Variants in EPB41L3 observed in about 807,000 individuals in gnomAD.
EPB41L3 encodes the protein band 4.1-like protein 3.
EPB41L3 carries 57 observed loss-of-function variants against 127.1 expected under a neutral mutation model. The ratio of observed to expected loss-of-function variants is 0.45; its 90% CI spans 0.36 to 0.56. The LOEUF is 0.56. Among genes scored for constraint, EPB41L3 ranks in the 20% least tolerant of loss-of-function variants. The pLI, the probability that EPB41L3 is intolerant of heterozygous loss-of-function variation, is 0.00. For synonymous variants in EPB41L3, 572 were observed against 549.5 expected (o/e 1.04, Z -0.57); for missense variants, 1,273 against 1,372.2 (o/e 0.93, Z 1.14).
intron 3 of EPB41L3, among the ~76,000 whole-genome samples, chr18:5,552,668 A>T (rs2093982001): frequency 6.6e-6 from 1 of 152,216 alleles, no homozygotes; most frequent in South Asian, 2.1e-4. Flanking sequence ...GCTAAAATTT[A>T]CTGAGCATTT....
At chr18:5,434,177 G>A in intron 6 of EPB41L3, 56 bp from the exon 7 acceptor site, 3 of 1,459,548 alleles carry the variant, frequency 2.1e-6, no homozygotes, top group Non-Finnish European at 2.9e-6. Context: ...ACAGGAAAAG[G>A]AGGTCGCTTG....
intron 3 of EPB41L3, among the ~76,000 whole-genome samples, chr18:5,457,279 G>A (rs2083249495): frequency 6.6e-6 from 1 of 152,198 alleles, no homozygotes; most frequent in East Asian, 1.9e-4. Flanking sequence ...TTTTTTCTCT[G>A]CTTGTGATAA....
intron 2 of EPB41L3, among the ~76,000 whole-genome samples, chr18:5,485,857 G>GATATTCC (rs1319119696): frequency 1.3e-5 from 2 of 151,990 alleles, no homozygotes; most frequent in Non-Finnish European, 2.9e-5. Flanking sequence ...AAAATGGAAA[G>GATATTCC]ATATTCCATG....
At chr18:5,411,361 C>G (rs1325896024) in intron 13 of EPB41L3, among the ~76,000 whole-genome samples, 2 of 151,954 alleles carry the variant, frequency 1.3e-5, no homozygotes, top group African/African-American at 4.8e-5. Context: ...TCAAATGAAG[C>G]AAATAAGAAG....
intron 1 of EPB41L3, among the ~76,000 whole-genome samples, chr18:5,617,976 G>A (rs889641999): frequency 2.0e-5 from 3 of 152,124 alleles, no homozygotes; most frequent in Non-Finnish European, 4.4e-5. Flanking sequence ...TTGGCTTCCT[G>A]TTCCAAGGTC....
intron 3 of EPB41L3, among the ~76,000 whole-genome samples, chr18:5,584,221 C>T (rs1428063640): frequency 6.6e-6 from 1 of 152,196 alleles, no homozygotes; most frequent in Non-Finnish European, 1.5e-5. Flanking sequence ...CAGCCAATAG[C>T]TGGGTCCTTT....
At chr18:5,413,867 T>C (rs796581832) in intron 13 of EPB41L3, among the ~76,000 whole-genome samples, 12 of 152,342 alleles carry the variant, frequency 7.9e-5, no homozygotes, top group Middle Eastern at 3.4e-3. Flanking sequence ...GAAGCTCCAA[T>C]CACACGTTCG....
chr18:5,398,277 T>A, intron 16 of EPB41L3, 134 bp from the exon 17 acceptor site: 1 of 1,026,696 alleles, frequency 9.7e-7, no homozygotes, highest in Non-Finnish European at 1.4e-6. Flanking sequence ...AATCTCAGAG[T>A]TTGGAAACGA....
At chr18:5,480,278 T>TA (rs1333257831) in intron 2 of EPB41L3, among the ~76,000 whole-genome samples, 2 of 152,134 alleles carry the variant, frequency 1.3e-5, no homozygotes, top group African/African-American at 2.4e-5. Flanking sequence ...ATACATTTTT[T>TA]AAAAAAACTT....
chr18:5,589,420 T>C (rs542547708), intron 3 of EPB41L3, among the ~76,000 whole-genome samples: 4 of 151,960 alleles, frequency 2.6e-5, no homozygotes. Context: ...GATTATGACC[T>C]GACAATGGAA....
In EPB41L3 at chr18:5,456,748, C is replaced by T. The variant is rs146196618; in HGVS notation, c.382-11504G>A. Reference sequence around the variant, plus strand: ...ACATTCCTCTATCAGGGCATCCTGGCTTAATACTGCGTGAACCCACAATCC... The same window carrying T: ...ACATTCCTCTATCAGGGCATCCTGGTTTAATACTGCGTGAACCCACAATCC... On this transcript the variant is annotated intron_variant, in intron 3 of 22. Transcript: ENST00000341928. Among the ~76,000 whole-genome samples, 262 of 152,344 alleles carry T rather than the reference C, an allele frequency of 1.7e-3. 1 individual carries two copies. Among genetic ancestry groups the T allele is most frequent in the African/African-American group, 6.1e-3 (255 of 41,576 alleles).
chr18:5,490,148 T>C (rs974435549), intron 1 of EPB41L3, among the ~76,000 whole-genome samples: 15 of 152,344 alleles, frequency 9.8e-5, no homozygotes, highest in African/African-American at 3.6e-4. Context: ...AAGCAGATTT[T>C]TGCTCTAAGC....
intron 3 of EPB41L3, among the ~76,000 whole-genome samples, chr18:5,464,774 A>G (rs930605195): frequency 6.6e-6 from 1 of 152,352 alleles, no homozygotes; most frequent in Non-Finnish European, 1.5e-5. Flanking sequence ...TGCACCACTC[A>G]GAGTTACTAA....
rs539523598 is a variant in EPB41L3, at chr18:5,598,935, T to G, written c.-306+13405A>C. On this transcript the variant is annotated intron_variant, in intron 3 of 21. Transcript: ENST00000545076. ...GGACAGCATCAACTCCCTTGGAATC[T>G]AGCACATTTTAAATCTTGAATAAGA... Among the ~76,000 whole-genome samples, 9 of 152,316 alleles carry G rather than the reference T, an allele frequency of 5.9e-5. No individual in the cohort carries two copies. In the East Asian group the frequency reaches 1.7e-3, roughly 29 times the overall value.
upstream of EPB41L3, among the ~76,000 whole-genome samples, chr18:5,629,449 A>ACACACACACT (rs1485435381): frequency 5.4e-5 from 8 of 148,666 alleles, no homozygotes; most frequent in African/African-American, 2.0e-4. Flanking sequence ...ACACACACAC[A>ACACACACACT]CTGCCGCTAG....
At position 5,478,367 on chromosome 18, in the gene EPB41L3, A is replaced by G; in HGVS notation, c.255T>C (p.Asp85=). 6.2e-7 allele frequency: 1 copy of G among 1,614,176 alleles called. No individual in the cohort carries two copies. Among genetic ancestry groups the G allele is most frequent in the Non-Finnish European group, 8.5e-7 (1 of 1,180,008 alleles). Residue 85 remains aspartate (D), a synonymous_variant, in exon 3 of 23, where the codon GAT becomes GAC. Transcript: ENST00000341928. ...KQLEYQQLED[D]KLSQKSSSSK... ...TGCTAGATGATTTCTGAGAAAGTTT[A>G]TCGTCTTCTAATTGCTGATATTCGA...
intron 3 of EPB41L3, among the ~76,000 whole-genome samples, chr18:5,594,065 T>C (rs2143620439): frequency 6.6e-6 from 1 of 152,240 alleles, no homozygotes. Flanking sequence ...GCTGACAGGA[T>C]TAAGAGATTA....
intron 1 of EPB41L3, among the ~76,000 whole-genome samples, chr18:5,526,285 G>A (rs1029004237): frequency 1.3e-5 from 2 of 152,192 alleles, no homozygotes; most frequent in South Asian, 2.1e-4. Flanking sequence ...CTTAATTCAC[G>A]TGGATCATCA....
At chr18:5,451,365 C>T (rs1289235143) in intron 3 of EPB41L3, among the ~76,000 whole-genome samples, 3 of 152,316 alleles carry the variant, frequency 2.0e-5, no homozygotes, top group East Asian at 3.9e-4. Flanking sequence ...CTCTCAATGT[C>T]CCACATGTTC....
Sources: gnomAD v4.1 joint callset for allele counts (sites outside exome capture counted in the v4.1 genomes callset) on GRCh38, gnomAD v4.1.1 for gene constraint, MANE v1.5 for transcripts, NCBI Gene and HGNC (gene_info 2026-07-23, HGNC 2026-07-21) for gene names.